Variants in GLYATL1 observed in about 807,000 individuals in gnomAD.
The protein encoded by GLYATL1 is glycine N-acyltransferase-like protein 1.
Under a neutral mutation model 20.0 loss-of-function variants are expected in GLYATL1, and 15 were observed. The observed-to-expected ratio is 0.75, with a 90% CI of 0.50 to 1.15. The LOEUF is 1.15. GLYATL1 is among the 50% of genes most tolerant of loss of function. GLYATL1 has a pLI of 0.00. For synonymous variants in GLYATL1, 151 were observed against 131.5 expected, an observed-to-expected ratio of 1.15 and a Z score of -1.01; for missense variants, 380 against 368.5, an observed-to-expected ratio of 1.03 and a Z score of -0.26.
At chr11:58,915,297 G>A (rs1855145605) in intron 1 of GLYATL1, among the ~76,000 whole-genome samples, 1 of 152,218 alleles carries the variant, frequency 6.6e-6, no homozygotes, top group Non-Finnish European at 1.5e-5. Flanking sequence ...GAGGTGAAAT[G>A]CTGTGTCCCA....
intron 4 of GLYATL1, among the ~76,000 whole-genome samples, chr11:58,953,833 A>G (rs1441576194): frequency 6.6e-6 from 1 of 152,188 alleles, no homozygotes; most frequent in Non-Finnish European, 1.5e-5. Flanking sequence ...AATTTCCAAC[A>G]TAATATTAAT....
At chr11:58,905,575 C>A (rs1590761902) in exon 1 of GLYATL1, 1 of 456,292 alleles carries the variant, frequency 2.2e-6, no homozygotes, top group Non-Finnish European at 4.4e-6. Context: ...ACCCGGCTGC[C>A]GCGCAACCCC....
intron 1 of GLYATL1, among the ~76,000 whole-genome samples, chr11:58,929,228 T>C (rs972855501): frequency 1.3e-5 from 2 of 152,256 alleles, no homozygotes; most frequent in African/African-American, 4.8e-5. Context: ...TTAAGTATGA[T>C]GTTACCTCTA....
upstream of GLYATL1, among the ~76,000 whole-genome samples, chr11:58,938,218 CTG>C (rs1415988124): frequency 1.3e-5 from 2 of 152,188 alleles, no homozygotes; most frequent in Admixed American, 1.3e-4. Context: ...TCCATTCTGT[CTG>C]TGTTTCTGTA....
chr11:58,931,305 T>C (rs1006676013), intron 1 of GLYATL1, among the ~76,000 whole-genome samples: 13 of 152,186 alleles, frequency 8.5e-5, no homozygotes, highest in African/African-American at 3.1e-4. Flanking sequence ...TAGGGGCCCA[T>C]CCTACTGCAG....
At chr11:58,955,139 A>G (rs1590815444) in intron 5 of GLYATL1, 37 bp from the exon 6 acceptor site, 1 of 1,590,390 alleles carries the variant, frequency 6.3e-7, no homozygotes, top group South Asian at 1.1e-5. Flanking sequence ...AGAGAACTCC[A>G]TGTCTGACAA....
chr11:58,935,822 T>C (rs1262695254), upstream of GLYATL1: 1 of 152,206 alleles, frequency 6.6e-6, no homozygotes, highest in Non-Finnish European at 1.5e-5. Context: ...AATATGTTTA[T>C]GGCTTTTGTT....
Position 58,946,979 on chromosome 11 carries a change from A to T in GLYATL1, c.-42-67A>T, listed in dbSNP as rs1565131004. 6.5e-6 allele frequency: 7 copies of T among 1,082,166 alleles called. No homozygotes were observed. In the Admixed American group the frequency reaches 1.2e-4, roughly 18 times the overall value. The allele number at this position is 1,082,166 out of a possible 1,614,324, so 67.0% of individuals were successfully genotyped here. On this transcript the variant is annotated intron_variant, in intron 2 of 6. Coordinates refer to ENST00000532726, the MANE Select transcript of GLYATL1 (RefSeq NM_001389712.2). ...CATCACGAGTGTTACTTGAATGGAG[A>T]TGTATAAAGTGCATTTTAAATTCAT...
At chr11:58,946,824 T>G (rs1856597882) in intron 2 of GLYATL1, 1 of 583,794 alleles carries the variant, frequency 1.7e-6, no homozygotes, top group Non-Finnish European at 3.1e-6. Context: ...AGGAAGGGCA[T>G]GGGTTTTGGA....
At chr11:58,933,145 GACTC>G (rs1304002036) in intron 1 of GLYATL1, among the ~76,000 whole-genome samples, 2 of 152,172 alleles carry the variant, frequency 1.3e-5, no homozygotes, top group Admixed American at 6.5e-5. Flanking sequence ...TAAATTTTAT[GACTC>G]TGGTTTTGAA....
chr11:58,929,735 T>A (rs759386964), intron 1 of GLYATL1, among the ~76,000 whole-genome samples: 1 of 152,226 alleles, frequency 6.6e-6, no homozygotes, highest in Non-Finnish European at 1.5e-5. Context: ...TGCAGATCAC[T>A]ACTCATCTAA....
chr11:58,907,345 T>C (rs1285059748), exon 2 of GLYATL1: 1 of 456,316 alleles, frequency 2.2e-6, no homozygotes, highest in Admixed American at 2.3e-5. Flanking sequence ...TGCCCTTCCT[T>C]GCGACACTGG....
At chr11:58,949,907 TA>T (rs1856843052) in intron 4 of GLYATL1, among the ~76,000 whole-genome samples, 1 of 151,614 alleles carries the variant, frequency 6.6e-6, no homozygotes, top group Admixed American at 6.6e-5. Flanking sequence ...ATTATACAAG[TA>T]AAAAAATCCA....
At chr11:58,910,155 T>G (rs1364033559), downstream of GLYATL1, among the ~76,000 whole-genome samples, 1 of 152,168 alleles carries the variant, frequency 6.6e-6, no homozygotes, top group Non-Finnish European at 1.5e-5. Flanking sequence ...TTTCCATACA[T>G]TATGGCTCCT....
chr11:58,907,961 G>A (rs11229689), exon 2 of GLYATL1: 30,018 of 153,146 alleles, frequency 0.2, 3,577 homozygotes, highest in African/African-American at 0.32. Flanking sequence ...TTTCTGTCCT[G>A]TATGAGCCTC....
chr11:58,918,529 T>A (rs557830669), intron 1 of GLYATL1, among the ~76,000 whole-genome samples: 2 of 152,318 alleles, frequency 1.3e-5, no homozygotes, highest in South Asian at 4.1e-4. Context: ...CATCCTTCTA[T>A]GAGCTCTTCT....
At chr11:58,913,478 G>A (rs1480885788), downstream of GLYATL1, among the ~76,000 whole-genome samples, 1 of 152,210 alleles carries the variant, frequency 6.6e-6, no homozygotes, top group African/African-American at 2.4e-5. Context: ...TCATTGGCCA[G>A]CACAGTGGTG....
intron 1 of GLYATL1, among the ~76,000 whole-genome samples, chr11:58,929,321 T>C (rs1406905872): frequency 6.6e-6 from 1 of 152,238 alleles, no homozygotes; most frequent in East Asian, 1.9e-4. Flanking sequence ...GAAATAGATA[T>C]CAGCTTTACC....
At chr11:58,940,758 G>A (rs893613132) in intron 1 of GLYATL1, among the ~76,000 whole-genome samples, 5 of 152,148 alleles carry the variant, frequency 3.3e-5, no homozygotes, top group Non-Finnish European at 7.3e-5. Context: ...CCAGGAGTTG[G>A]AGATAAGCCT....
Sources: allele counts gnomAD v4.1 joint callset (sites outside exome capture counted in the v4.1 genomes callset), GRCh38; gene constraint gnomAD v4.1.1; transcripts MANE v1.5; gene names NCBI Gene and HGNC (gene_info 2026-07-23, HGNC 2026-07-21).